Variants in BMAL2 observed in about 807,000 individuals in gnomAD.
BMAL2 encodes the protein basic helix-loop-helix ARNT like 2.
the BMAL2 span, among the ~76,000 whole-genome samples, chr12:27,419,636 A>C: frequency 6.6e-6 from 1 of 152,336 alleles, no homozygotes; most frequent in African/African-American, 2.4e-5. Context: ...CATATCCTCC[A>C]TGACTGACAT....
At chr12:27,354,462 T>C in the BMAL2 span, among the ~76,000 whole-genome samples, 1 of 152,052 alleles carries the variant, frequency 6.6e-6, no homozygotes, top group South Asian at 2.1e-4. Context: ...AAATTACCTA[T>C]TGGGCACTGT....
chr12:27,381,647 G>A, the BMAL2 span, among the ~76,000 whole-genome samples: 5 of 152,150 alleles, frequency 3.3e-5, no homozygotes, highest in African/African-American at 4.8e-5. Context: ...AGATTTGGGC[G>A]GGGACACAGA....
the BMAL2 span, among the ~76,000 whole-genome samples, chr12:27,363,217 T>A: frequency 6.6e-6 from 1 of 152,210 alleles, no homozygotes; most frequent in Non-Finnish European, 1.5e-5. Flanking sequence ...ATTTTGCTGA[T>A]GAAAATTTCA....
chr12:27,372,957 G>A, the BMAL2 span, among the ~76,000 whole-genome samples: 1 of 152,176 alleles, frequency 6.6e-6, no homozygotes, highest in Non-Finnish European at 1.5e-5. Context: ...ACAGGCGTGA[G>A]CCACTGCGCC....
chr12:27,402,532 A>G, the BMAL2 span: 1 of 1,130,736 alleles, frequency 8.8e-7, no homozygotes, highest in Non-Finnish European at 1.3e-6. Flanking sequence ...ACAAATTGAC[A>G]AATTAAATAT....
the BMAL2 span, chr12:27,401,674 T>C: frequency 1.3e-5 from 21 of 1,572,096 alleles, no homozygotes; most frequent in East Asian, 4.7e-4. Flanking sequence ...ACTTTAGTTT[T>C]GTAAGTAATT....
At chr12:27,373,426 A>G in the BMAL2 span, among the ~76,000 whole-genome samples, 1 of 152,228 alleles carries the variant, frequency 6.6e-6, no homozygotes, top group African/African-American at 2.4e-5. Flanking sequence ...TTTGGAGCTC[A>G]GGGTAGAGGC....
chr12:27,420,054 T>C, the BMAL2 span, among the ~76,000 whole-genome samples: 45 of 86,666 alleles, frequency 5.2e-4, no homozygotes, highest in African/African-American at 2.0e-3. Context: ...CACACAAACA[T>C]ACACTAAATT....
chr12:27,341,940 A>T, the BMAL2 span, among the ~76,000 whole-genome samples: 9 of 151,708 alleles, frequency 5.9e-5, no homozygotes, highest in South Asian at 2.1e-4. Context: ...GTTTTTATTT[A>T]TTTTTTTTAT....
the BMAL2 span, chr12:27,380,165 G>T: frequency 1.4e-6 from 2 of 1,393,300 alleles, no homozygotes; most frequent in Middle Eastern, 4.2e-4. Flanking sequence ...GCTGGGCTCA[G>T]CATCTGCTCC....
At chr12:27,373,381 T>C in the BMAL2 span, among the ~76,000 whole-genome samples, 1 of 152,118 alleles carries the variant, frequency 6.6e-6, no homozygotes, top group Admixed American at 6.5e-5. Context: ...ATGGGATATT[T>C]ATAGAACCTT....
At chr12:27,340,271 T>G in the BMAL2 span, among the ~76,000 whole-genome samples, 1 of 152,350 alleles carries the variant, frequency 6.6e-6, no homozygotes, top group East Asian at 1.9e-4. Context: ...TTGAGTTGGC[T>G]TTTGTATATG....
chr12:27,373,595 A>G, the BMAL2 span, among the ~76,000 whole-genome samples: 1 of 152,138 alleles, frequency 6.6e-6, no homozygotes, highest in East Asian at 1.9e-4. Flanking sequence ...AGATGAGGGG[A>G]AGCCTGCCCA....
chr12:27,353,995 G>T, the BMAL2 span, among the ~76,000 whole-genome samples: 4 of 152,154 alleles, frequency 2.6e-5, no homozygotes, highest in African/African-American at 9.7e-5. Flanking sequence ...CAGCCACTGT[G>T]GAAAGCAGTT....
chr12:27,389,920 C>A, the BMAL2 span: 4 of 542,880 alleles, frequency 7.4e-6, no homozygotes, highest in Non-Finnish European at 1.2e-5. Context: ...GATTGCTTGA[C>A]AAATACATTT....
At chr12:27,389,945 A>G in the BMAL2 span, 1 of 738,148 alleles carries the variant, frequency 1.4e-6, no homozygotes, top group East Asian at 2.8e-5. Context: ...GGTATATTTC[A>G]CTTCAGGGTT....
the BMAL2 span, among the ~76,000 whole-genome samples, chr12:27,360,393 G>A: frequency 6.6e-6 from 1 of 152,176 alleles, no homozygotes; most frequent in Non-Finnish European, 1.5e-5. Context: ...CTGTCAATTA[G>A]ATAATAATTG....
the BMAL2 span, chr12:27,401,154 AC>A: frequency 6.6e-6 from 6 of 907,546 alleles, no homozygotes; most frequent in East Asian, 1.5e-4. Flanking sequence ...CTCATCCCCT[AC>A]CCTGTGCACT....
At chr12:27,344,324 TACTTTG>T in the BMAL2 span, among the ~76,000 whole-genome samples, 10 of 152,244 alleles carry the variant, frequency 6.6e-5, no homozygotes, top group South Asian at 4.1e-4. Context: ...AATACTGGCC[TACTTTG>T]ACTTTGAGAG....
Sources: allele counts gnomAD v4.1 joint callset (sites outside exome capture counted in the v4.1 genomes callset), GRCh38; gene constraint gnomAD v4.1.1; transcripts MANE v1.5; gene names NCBI Gene and HGNC (gene_info 2026-07-23, HGNC 2026-07-21).